COL4A2: variants seen among roughly 807,000 people sequenced by gnomAD.
COL4A2 encodes the protein collagen alpha-2(IV) chain.
Under a neutral mutation model 200.2 loss-of-function variants are expected in COL4A2, and 99 were observed. The ratio of observed to expected loss-of-function variants is 0.49; its 90% CI spans 0.42 to 0.58. COL4A2 has a LOEUF of 0.58. Ranked by LOEUF, COL4A2 falls within the 20% of genes least tolerant of loss-of-function variation. The pLI is 0.00. For missense variants in COL4A2, 1,950 were observed against 2,314.1 expected (o/e 0.84, Z 3.23); for synonymous variants, 897 against 900.6 (o/e 1.00, Z 0.07).
chr13:110,433,904 A>G (rs906322667), intron 11 of COL4A2, among the ~76,000 whole-genome samples: 1 of 152,260 alleles, frequency 6.6e-6, no homozygotes, highest in Non-Finnish European at 1.5e-5. Flanking sequence ...GATAAAGCCC[A>G]GAGAATCACG....
chr13:110,369,724 A>G (rs935192756), intron 4 of COL4A2, among the ~76,000 whole-genome samples: 2 of 152,052 alleles, frequency 1.3e-5, no homozygotes, highest in Non-Finnish European at 2.9e-5. Context: ...CTCAGCTTAC[A>G]AATACGCACT....
Position 110,504,104 on chromosome 13 carries a change from G to T in COL4A2, c.4286-44G>T, listed in dbSNP as rs775369291. On this transcript the variant is annotated intron_variant, in intron 44 of 47. Coordinates refer to ENST00000360467, the MANE Select transcript of COL4A2 (RefSeq NM_001846.4). ...CTTTGTGGATCGCCGGCCGTGCCAG[G>T]CGTGGTCAGTTTCCAGCCATAACGC... is the stretch of plus-strand genomic sequence containing the variant. 6 of 1,600,784 alleles carry T rather than the reference G, an allele frequency of 3.7e-6. No homozygotes were observed. In the African/African-American group the frequency reaches 8.0e-5, roughly 21 times the overall value.
chr13:110,430,706 GAAC>G, intron 10 of COL4A2, 99 bp downstream of exon 10: 1 of 1,468,106 alleles, frequency 6.8e-7, no homozygotes, highest in South Asian at 1.1e-5. Context: ...AGAGCTTTAA[GAAC>G]AACTATGATG....
At position 110,438,034 on chromosome 13, in the gene COL4A2, A is replaced by C; in HGVS notation, c.858A>C (p.Ile286=). Residue 286 remains isoleucine (I), a synonymous_variant, in exon 14 of 48, where the codon ATA becomes ATC. Coordinates refer to ENST00000360467, the MANE Select transcript of COL4A2 (RefSeq NM_001846.4). The part of the protein sequence containing the change: ...GEKGSEGEPG[I]RGISLKGEEG... Reference sequence around the variant, plus strand: ...AAGGCAGTGAGGGGGAACCAGGAATAAGAGTAAGTCGAGTAATGAGCATGC... The same window carrying C: ...AAGGCAGTGAGGGGGAACCAGGAATCAGAGTAAGTCGAGTAATGAGCATGC... 2 of 1,613,340 alleles carry C rather than the reference A, an allele frequency of 1.2e-6. No homozygotes were observed. The highest frequency in any genetic ancestry group is 1.7e-6 in the Non-Finnish European group (2 of 1,179,432).
At chr13:110,442,553 G>C (rs1252375491) in intron 16 of COL4A2, among the ~76,000 whole-genome samples, 1 of 152,202 alleles carries the variant, frequency 6.6e-6, no homozygotes, top group Non-Finnish European at 1.5e-5. Context: ...CATCAAAATG[G>C]GAGGAACCAG....
At chr13:110,498,871 C>T (rs1460737213) in intron 40 of COL4A2, among the ~76,000 whole-genome samples, 2 of 152,194 alleles carry the variant, frequency 1.3e-5, no homozygotes, top group Admixed American at 6.5e-5. Context: ...GGGACCTGGA[C>T]GGTGTCCCCG....
rs1335700673 is a variant in COL4A2 at position 110,508,259 on chromosome 13, C to T, written c.4881+38C>T. On this transcript the variant is annotated intron_variant, in intron 47 of 47. Transcript: ENST00000360467. This position sits in a 1 kb window ranked among gnomAD's most constrained non-coding sequence, Gnocchi z 6.1. ...TGCCCAGTTCCCCTCCCCAACCACA[C>T]CCTGCTGGGGACACAGCAAGAACAG... 6.2e-7 allele frequency: 1 copy of T among 1,603,652 alleles called. No homozygotes were observed. The highest frequency in any genetic ancestry group is 2.2e-5 in the East Asian group (1 of 44,730).
chr13:110,321,634 C>T (rs1885281318), intron 3 of COL4A2, among the ~76,000 whole-genome samples: 1 of 152,138 alleles, frequency 6.6e-6, no homozygotes, highest in South Asian at 2.1e-4. Flanking sequence ...TGTATTAGTC[C>T]ATGTTCATGC....
At position 110,489,834 on chromosome 13, in the gene COL4A2, C is replaced by T. The variant is rs948048909; in HGVS notation, c.3346+49C>T. The T allele has an allele frequency of 7.7e-6, 12 of 1,560,606 alleles. No homozygotes were observed. In the East Asian group the frequency reaches 2.2e-4, roughly 29 times the overall value. ...TTCATCTTCAACAACAGCCCTGAGC[C>T]TTTGTCTAGGAGCCCGACTTGCCAA... On this transcript the variant is annotated intron_variant, in intron 36 of 47. Coordinates refer to ENST00000360467, the MANE Select transcript of COL4A2 (RefSeq NM_001846.4).
At chr13:110,412,147 A>G (rs1008754794) in intron 4 of COL4A2, among the ~76,000 whole-genome samples, 2 of 152,218 alleles carry the variant, frequency 1.3e-5, no homozygotes, top group African/African-American at 2.4e-5. Context: ...TAAGCAAGTC[A>G]AAGGGAAGGG....
intron 10 of COL4A2, among the ~76,000 whole-genome samples, chr13:110,431,259 G>A (rs1276132939): frequency 6.6e-6 from 1 of 152,138 alleles, no homozygotes; most frequent in Non-Finnish European, 1.5e-5. Flanking sequence ...TGGGCTGCAG[G>A]TGAGAGAGAT....
chr13:110,312,581 G>A (rs1434302664), intron 3 of COL4A2, among the ~76,000 whole-genome samples: 1 of 152,194 alleles, frequency 6.6e-6, no homozygotes, highest in Non-Finnish European at 1.5e-5. Flanking sequence ...CTAGAAAGTG[G>A]TTTGAGAATG....
intron 32 of COL4A2, 143 bp downstream of exon 32, chr13:110,482,802 G>C: frequency 1.2e-6 from 1 of 823,746 alleles, no homozygotes. Context: ...CAAACAAAAT[G>C]AGCTAACAAA....
At chr13:110,338,427 TTG>T (rs778443168) in intron 3 of COL4A2, among the ~76,000 whole-genome samples, 81 of 80,788 alleles carry the variant, frequency 1.0e-3, no homozygotes, top group South Asian at 1.4e-3. Flanking sequence ...ACAGAAAATG[TTG>T]TGTGTGGGGG....
intron 3 of COL4A2, among the ~76,000 whole-genome samples, chr13:110,315,222 C>T (rs1885100554): frequency 6.6e-6 from 1 of 152,226 alleles, no homozygotes. Flanking sequence ...CACACCTGCA[C>T]ATGGCTGGAG....
intron 3 of COL4A2, among the ~76,000 whole-genome samples, chr13:110,328,998 G>A (rs1047411183): frequency 6.6e-6 from 1 of 152,124 alleles, no homozygotes; most frequent in African/African-American, 2.4e-5. Flanking sequence ...ACAACATTAT[G>A]GAACAAATTT....
intron 36 of COL4A2, among the ~76,000 whole-genome samples, chr13:110,490,549 C>T (rs1385594666): frequency 6.6e-6 from 1 of 152,102 alleles, no homozygotes; most frequent in Non-Finnish European, 1.5e-5. Flanking sequence ...AGAGAACCGC[C>T]GCTGGGAAAT....
intron 3 of COL4A2, among the ~76,000 whole-genome samples, chr13:110,348,176 C>T (rs888434788): frequency 6.6e-6 from 1 of 152,260 alleles, no homozygotes; most frequent in African/African-American, 2.4e-5. Flanking sequence ...GTCATAACTG[C>T]TGGCACTCAC....
intron 3 of COL4A2, 79 bp downstream of exon 3, chr13:110,308,202 C>T (rs1884855982): frequency 1.1e-5 from 17 of 1,510,432 alleles, no homozygotes; most frequent in Non-Finnish European, 1.4e-5. Flanking sequence ...GAAGGCAGCT[C>T]GTCCGTGCGC....
Sources: allele counts gnomAD v4.1 joint callset (sites outside exome capture counted in the v4.1 genomes callset), GRCh38; gene constraint gnomAD v4.1.1; non-coding constraint Gnocchi (gnomAD v3.1); transcripts MANE v1.5; gene names NCBI Gene and HGNC (gene_info 2026-07-23, HGNC 2026-07-21).